CFAP46: variants seen among roughly 807,000 people sequenced by gnomAD.
CFAP46 encodes the protein cilia and flagella associated protein 46, also known as cilia- and flagella-associated protein 46.
In CFAP46, 245 loss-of-function variants were observed where a neutral mutation model predicts 325.7. That is an observed-to-expected ratio of 0.75 (90% confidence interval 0.68 to 0.84). The LOEUF (loss-of-function observed/expected upper bound fraction) is 0.84. CFAP46 is among the 40% of genes least tolerant of loss of function. CFAP46 has a pLI of 0.00. For missense variants in CFAP46, 3,346 were observed against 3,543.0 expected, an observed-to-expected ratio of 0.94 and a Z score of 1.41; for synonymous variants, 1,523 against 1,495.9, an observed-to-expected ratio of 1.02 and a Z score of -0.42.
intron 8 of CFAP46, among the ~76,000 whole-genome samples, chr10:132,930,155 C>T (rs1206131595): frequency 1.3e-5 from 2 of 152,140 alleles, no homozygotes; most frequent in African/African-American, 4.8e-5. Flanking sequence ...TTGCATTGCA[C>T]AGCAGCTCAG....
At position 132,836,184 on chromosome 10, in the gene CFAP46, T is replaced by G; in HGVS notation, c.6571A>C (p.Lys2191Gln). The change falls in exon 46 of 58, where the codon AAG (lysine) becomes CAG (glutamine). Residue 2191 changes from lysine (K) to glutamine (Q), a missense_variant. Transcript: ENST00000368586. Reference sequence around the variant, plus strand: ...TTTCCTTTGGCTGCAGTAATGAACTTGGGTTTCTCGTAGGCAGCGCCGTAC... The same window carrying G: ...TTTCCTTTGGCTGCAGTAATGAACTGGGGTTTCTCGTAGGCAGCGCCGTAC... Reference protein sequence around the residue: ...RLYGAAYEKPKFITAAKGKVQ... With the variant: ...RLYGAAYEKPQFITAAKGKVQ... 1.2e-6 allele frequency: 2 copies of G among 1,610,050 alleles called. No homozygotes were observed. The highest frequency in any genetic ancestry group is 1.7e-6 in the Non-Finnish European group (2 of 1,179,282).
At chr10:132,912,604 CCTCTCT>C (rs59827475) in intron 19 of CFAP46, 45 bp downstream of exon 19, 39,075 of 1,322,432 alleles carry the variant, frequency 0.03, 2,684 homozygotes, top group African/African-American at 0.28. Flanking sequence ...TCTCCTCTCT[CCTCTCT>C]CTCTCTCTCT....
Position 132,809,125 on chromosome 10 carries a change from G to T in CFAP46, c.7665-221C>A, listed in dbSNP as rs919700497. 6.6e-5 allele frequency among the ~76,000 whole-genome samples: 10 copies of T among 152,154 alleles called. No homozygotes were observed. In the South Asian group the frequency reaches 2.1e-3, roughly 31 times the overall value. ...CAGCCGGGTGACGGCACCAGGACTG[G>T]ACCCCCGATCCGAAGCCCACCATCC... is the stretch of plus-strand genomic sequence containing the variant. On this transcript the variant is annotated intron_variant, in intron 57 of 57. Coordinates refer to ENST00000368586, the MANE Select transcript of CFAP46 (RefSeq NM_001200049.3).
chr10:132,836,202 C>T lies in CFAP46; in HGVS notation c.6553G>A (p.Ala2185Thr), dbSNP rs755016024. The change falls in exon 46 of 58, where the codon GCT (alanine) becomes ACT (threonine). Residue 2185 changes from alanine (A) to threonine (T), a missense_variant. Coordinates refer to ENST00000368586, the MANE Select transcript of CFAP46 (RefSeq NM_001200049.3). ...ATGAACTTGGGTTTCTCGTAGGCAGCGCCGTACAGACGGGACCTGCTGGCA... is the reference window on the plus strand; with the variant it reads ...ATGAACTTGGGTTTCTCGTAGGCAGTGCCGTACAGACGGGACCTGCTGGCA... ...LSGDRSRLYG[A>T]AYEKPKFITA... The T allele has an allele frequency of 6.2e-6, 10 of 1,611,194 alleles. No individual in the cohort carries two copies. The highest frequency in any genetic ancestry group is 7.6e-6 in the Non-Finnish European group (9 of 1,179,672).
At position 132,884,449 on chromosome 10, in the gene CFAP46, G is replaced by A. The variant is rs1675390273; in HGVS notation, c.3627+654C>T. ...GAGAAACAGCTCGTGTAACAGAAAA[G>A]CCTTTTAAGATCTTCACTAATGTTG... On this transcript the variant is annotated intron_variant, in intron 27 of 57. Transcript: ENST00000368586. The surrounding 1 kb of genome is among the most constrained non-coding windows in gnomAD (Gnocchi z 5.4). Among the ~76,000 whole-genome samples, 1 of 152,208 alleles carries A rather than the reference G, an allele frequency of 6.6e-6. No individual in the cohort carries two copies. The highest frequency in any genetic ancestry group is 2.1e-4 in the South Asian group (1 of 4,832).
Position 132,877,888 on chromosome 10 carries a change from G to C in CFAP46, c.4205C>G (p.Pro1402Arg). ...EKGKEEKVKEPKQSQSPAPIK... is the reference protein window; with the variant it reads ...EKGKEEKVKERKQSQSPAPIK... The stretch of plus-strand genomic sequence containing the variant: ...TGGCCACTTGGGCATCACCTGCTTG[G>C]GCTCCTTGACTTTCTCCTCCTTTCC... The change falls in exon 30 of 58, where the codon CCC (proline) becomes CGC (arginine). Residue 1402 changes from proline to arginine, a missense_variant. Coordinates refer to ENST00000368586, the MANE Select transcript of CFAP46 (RefSeq NM_001200049.3). The surrounding 1 kb of genome is among the most constrained non-coding windows in gnomAD (Gnocchi z 5.7). 6.5e-7 allele frequency: 1 copy of C among 1,546,772 alleles called. No homozygotes were observed. Among genetic ancestry groups the C allele is most frequent in the African/African-American group, 1.4e-5 (1 of 72,926 alleles).
chr10:132,851,864 A>T (rs1848554228), intron 39 of CFAP46, among the ~76,000 whole-genome samples: 1 of 129,528 alleles, frequency 7.7e-6, no homozygotes, highest in South Asian at 2.5e-4. Context: ...TCCTCCATTT[A>T]CTTAGGAATT....
At chr10:132,908,953 GCT>G (rs1422539466) in intron 21 of CFAP46, among the ~76,000 whole-genome samples, 182 bp downstream of exon 21, 2 of 152,250 alleles carry the variant, frequency 1.3e-5, no homozygotes, top group Non-Finnish European at 2.9e-5. Flanking sequence ...AGACAGGGAT[GCT>G]CTGAGCATGG....
rs187174768 is a variant in CFAP46 at position 132,833,680 on chromosome 10, C to T, written c.6950-155G>A. 2.4e-3 allele frequency among the ~76,000 whole-genome samples: 362 copies of T among 152,354 alleles called. 2 individuals carry two copies. Among genetic ancestry groups the T allele is most frequent in the Non-Finnish European group, 3.2e-3 (220 of 68,036 alleles). On this transcript the variant is annotated intron_variant, in intron 49 of 57. Transcript: ENST00000368586. ...ACCTCCTCCTCCAGATGCCCCAGAA[C>T]GGGGCGAGGAACAGCCTCCCATCAC... is the stretch of plus-strand genomic sequence containing the variant.
Position 132,817,578 on chromosome 10 carries a change from C to T in CFAP46, c.7118-2664G>A, listed in dbSNP as rs1200626099. 2.0e-5 allele frequency among the ~76,000 whole-genome samples: 3 copies of T among 152,164 alleles called. No homozygotes were observed. The highest frequency in any genetic ancestry group is 2.9e-5 in the Non-Finnish European group (2 of 68,022). On this transcript the variant is annotated intron_variant, in intron 50 of 57. Transcript: ENST00000368586. This position sits in a 1 kb window ranked among gnomAD's most constrained non-coding sequence, Gnocchi z 4.4. ...CCTTCGTCTTCCTCATTCATTCTTCCTTCTCTATTTGTTGGGAGTTTGCAC... is the reference window on the plus strand; with the variant it reads ...CCTTCGTCTTCCTCATTCATTCTTCTTTCTCTATTTGTTGGGAGTTTGCAC...
intron 50 of CFAP46, among the ~76,000 whole-genome samples, chr10:132,831,996 C>G (rs1180802559): frequency 6.6e-6 from 1 of 152,162 alleles, no homozygotes; most frequent in Non-Finnish European, 1.5e-5. Flanking sequence ...ACCACTTTCT[C>G]CAGAGGATGG....
In CFAP46 at chr10:132,808,959, C is replaced by A. The variant is rs1847523437; in HGVS notation, c.7665-55G>T. The A allele has an allele frequency of 6.7e-7, 1 of 1,491,660 alleles. No individual in the cohort carries two copies. Among genetic ancestry groups the A allele is most frequent in the Non-Finnish European group, 9.0e-7 (1 of 1,110,268 alleles). The allele number at this position is 1,491,660 out of a possible 1,614,324, so 92.4% of individuals were successfully genotyped here. A position where few individuals can be genotyped will look rare whatever the true frequency, so the allele number is the denominator to read the frequency against. On this transcript the variant is annotated intron_variant, in intron 57 of 57. Coordinates refer to ENST00000368586, the MANE Select transcript of CFAP46 (RefSeq NM_001200049.3). This position sits in a 1 kb window ranked among gnomAD's most constrained non-coding sequence, Gnocchi z 6.8. ...CCCGAGGCCCCGCAGGACGTCCAGC[C>A]CGGTGAGGACCAGGGCACAGGGGCG...
chr10:132,824,495 C>CTGTGTGCTGA (rs1236355294), intron 50 of CFAP46, among the ~76,000 whole-genome samples: 4 of 79,824 alleles, frequency 5.0e-5, no homozygotes, highest in African/African-American at 2.1e-4. Context: ...GCGCTGTGTG[C>CTGTGTGCTGA]TGTGTGCTGA....
intron 31 of CFAP46, among the ~76,000 whole-genome samples, chr10:132,873,618 T>A (rs762188065): frequency 1.3e-5 from 2 of 151,978 alleles, no homozygotes; most frequent in Non-Finnish European, 2.9e-5. Flanking sequence ...TCTCACTCTC[T>A]CTCTCAGGCT....
chr10:132,899,857 T>C (rs1466312272), intron 22 of CFAP46, among the ~76,000 whole-genome samples, 191 bp from the exon 23 acceptor site: 1 of 152,196 alleles, frequency 6.6e-6, no homozygotes, highest in African/African-American at 2.4e-5. Flanking sequence ...CTTGCTAGAC[T>C]GCAGGGATGC....
In CFAP46 at chr10:132,912,696, G is replaced by T; in HGVS notation, c.2458C>A (p.Leu820Met). 2 of 1,549,806 alleles carry T rather than the reference G, an allele frequency of 1.3e-6. No individual in the cohort carries two copies. The highest frequency in any genetic ancestry group is 1.7e-6 in the Non-Finnish European group (2 of 1,146,922). Residue 820 changes from leucine (L) to methionine (M), a missense_variant, in exon 19 of 58, where the codon CTG becomes ATG. Physicochemically the swap from Leu to Met is conservative, Grantham distance 15. Transcript: ENST00000368586. ...ATCTCGGAAGTGGCTCCTGCGTCCA[G>T]TGGGCTGTGAAACGCGTTTGGTCGC... ...FMRPNAFHSP[L>M]DAGATSEIKT...
chr10:132,850,283 G>A lies in CFAP46; in HGVS notation c.5913C>T (p.Asp1971=). 1.3e-6 allele frequency: 2 copies of A among 1,550,834 alleles called. No homozygotes were observed. The highest frequency in any genetic ancestry group is 1.7e-6 in the Non-Finnish European group (2 of 1,147,022). ...CCCAGTAGCAGGTAGGGTGCACAGG[G>A]TCAGCTTGCATGGCCAGCAGGTGCA... ...RALHLLAMQA[D]PVHPTCYWEA... Residue 1971 remains aspartate, a synonymous_variant, in exon 41 of 58, where the codon GAC becomes GAT. Transcript: ENST00000368586.
At chr10:132,921,785 CAG>C (rs967655387) in intron 13 of CFAP46, among the ~76,000 whole-genome samples, 2 of 152,206 alleles carry the variant, frequency 1.3e-5, no homozygotes, top group African/African-American at 2.4e-5. Flanking sequence ...GAAGAGCACT[CAG>C]GGGGAATCAG....
At chr10:132,858,822 G>GCAGCCGCAGGGCTGGGGC (rs1848684571) in intron 38 of CFAP46, among the ~76,000 whole-genome samples, 1 of 152,170 alleles carries the variant, frequency 6.6e-6, no homozygotes, top group Admixed American at 6.5e-5. Context: ...GAAGGTGTGG[G>GCAGCCGCAGGGCTGGGGC]CAGCCGCAGG....
Sources: gnomAD v4.1 joint callset for allele counts (sites outside exome capture counted in the v4.1 genomes callset) on GRCh38, gnomAD v4.1.1 for gene constraint, Gnocchi (gnomAD v3.1) non-coding constraint, MANE v1.5 for transcripts, NCBI Gene and HGNC (gene_info 2026-07-23, HGNC 2026-07-21) for gene names.